Variants in SDK1 observed in about 807,000 individuals in gnomAD.
The protein encoded by SDK1 is protein sidekick-1.
SDK1 carries 157 observed loss-of-function variants against 245.5 expected under a neutral mutation model. The observed-to-expected ratio is 0.64, with a 90% confidence interval of 0.56 to 0.73. SDK1 has a LOEUF of 0.73. Among genes scored for constraint, SDK1 ranks in the 30% least tolerant of loss-of-function variants. The pLI is 0.00. For missense variants in SDK1, 3,583 were observed against 3,002.3 expected (o/e 1.19, Z -4.52); for synonymous variants, 1,647 against 1,278.5 (o/e 1.29, Z -6.15).
At chr7:3,718,977 C>A (rs955651758) in intron 4 of SDK1, among the ~76,000 whole-genome samples, 1 of 152,120 alleles carries the variant, frequency 6.6e-6, no homozygotes, top group African/African-American at 2.4e-5. Flanking sequence ...TATATAATAA[C>A]GCGTGGAAAC....
rs147471488 is a variant in SDK1 at position 3,481,994 on chromosome 7, AAATAT to A, written c.299-137081_299-137077del. Among the ~76,000 whole-genome samples, 1,084 of 152,100 alleles carry A rather than the reference AAATAT, an allele frequency of 7.1e-3. 12 individuals carry two copies. Among genetic ancestry groups the A allele is most frequent in the African/African-American group, 0.025 (1,041 of 41,446 alleles). ...CACATCAAAAAGCAAAGCTTGAAAA[AAATAT>A]AATAAGGGATTAATAATCAAAACAT... On this transcript the variant is annotated intron_variant, in intron 1 of 44. Coordinates refer to ENST00000404826, the MANE Select transcript of SDK1 (RefSeq NM_152744.4).
intron 1 of SDK1, among the ~76,000 whole-genome samples, chr7:3,567,994 G>GT (rs1031992781): frequency 1.4e-4 from 22 of 151,836 alleles, no homozygotes; most frequent in Non-Finnish European, 2.4e-4. Context: ...TTTTTTGATT[G>GT]TTTTTTTGCA....
rs551677939 is a variant in SDK1, at chr7:3,638,602, G to A, written c.459-402G>A. Among the ~76,000 whole-genome samples the A allele has an allele frequency of 3.6e-5, 5 of 139,670 alleles. No homozygotes were observed. In the South Asian group the frequency reaches 1.2e-3, roughly 34 times the overall value. The allele number at this position is 139,670 out of a possible 152,430, so 91.6% of individuals were successfully genotyped here. ...TGAACAGTGAGAAAACATGGACACA[G>A]GAAGGGAAACATCACACACCGGGGC... On this transcript the variant is annotated intron_variant, in intron 2 of 44. Coordinates refer to ENST00000404826, the MANE Select transcript of SDK1 (RefSeq NM_152744.4).
intron 1 of SDK1, among the ~76,000 whole-genome samples, chr7:3,380,939 G>A (rs937686989): frequency 4.6e-5 from 7 of 152,164 alleles, no homozygotes; most frequent in Non-Finnish European, 8.8e-5. Context: ...GAGAAATCAA[G>A]CTTTTGTGGT....
At chr7:3,829,610 A>G (rs752136927) in intron 5 of SDK1, among the ~76,000 whole-genome samples, 3 of 152,154 alleles carry the variant, frequency 2.0e-5, no homozygotes, top group Admixed American at 6.5e-5. Flanking sequence ...AACAACATAT[A>G]CCATGGAGGC....
At chr7:3,816,344 G>A (rs1487769830) in intron 4 of SDK1, among the ~76,000 whole-genome samples, 12 of 149,508 alleles carry the variant, frequency 8.0e-5, no homozygotes, top group Middle Eastern at 3.5e-3. Context: ...TTGATAGACC[G>A]CTAGCAAGAC....
In SDK1 at chr7:4,237,763, A is replaced by G; in HGVS notation, c.6109A>G (p.Lys2037Glu). 1 of 1,614,134 alleles carries G rather than the reference A, an allele frequency of 6.2e-7. No homozygotes were observed. The highest frequency in any genetic ancestry group is 8.5e-7 in the Non-Finnish European group (1 of 1,180,036). The change falls in exon 42 of 45, where the codon AAG (lysine) becomes GAG (glutamate). Residue 2037 changes from lysine (K) to glutamate (E), a missense_variant. Lys to Glu is a moderately conservative substitution (Grantham distance 56). Transcript: ENST00000404826. ...CCTCGTCCTGCACGGGCAGAATAAG[A>G]AGTATAAGAACTGCAGCACAGGTGC... ...FALVLHGQNK[K>E]YKNCSTGKGI...
At chr7:3,817,263 A>G (rs371070970) in intron 4 of SDK1, among the ~76,000 whole-genome samples, 3 of 152,216 alleles carry the variant, frequency 2.0e-5, no homozygotes, top group Non-Finnish European at 2.9e-5. Context: ...CCTTGGGTCC[A>G]TAGATACTCT....
intron 1 of SDK1, among the ~76,000 whole-genome samples, chr7:3,444,136 G>A (rs1206729558): frequency 6.6e-6 from 1 of 152,124 alleles, no homozygotes; most frequent in Non-Finnish European, 1.5e-5. Flanking sequence ...CCTGGAAAGG[G>A]CGGGTTTAAT....
At chr7:3,582,408 C>T (rs1008960508) in intron 1 of SDK1, among the ~76,000 whole-genome samples, 1 of 139,300 alleles carries the variant, frequency 7.2e-6, no homozygotes, top group Non-Finnish European at 1.6e-5. Flanking sequence ...AGGTAGGTCT[C>T]CCTCAGGTAG....
At chr7:3,827,200 A>G (rs1256229073) in intron 5 of SDK1, among the ~76,000 whole-genome samples, 1 of 152,220 alleles carries the variant, frequency 6.6e-6, no homozygotes, top group Non-Finnish European at 1.5e-5. Context: ...CCGGTTTCCC[A>G]AAGCAGCAGT....
intron 28 of SDK1, among the ~76,000 whole-genome samples, chr7:4,141,534 A>C (rs2128205096): frequency 6.6e-6 from 1 of 152,342 alleles, no homozygotes; most frequent in Middle Eastern, 3.4e-3. Flanking sequence ...ATAGTCACTG[A>C]AAGGCAATTT....
intron 28 of SDK1, among the ~76,000 whole-genome samples, chr7:4,143,436 C>T (rs746180227): frequency 2.6e-5 from 4 of 152,190 alleles, no homozygotes; most frequent in Admixed American, 6.5e-5. Flanking sequence ...TCATTACCAC[C>T]GTGAGCCCCC....
intron 5 of SDK1, among the ~76,000 whole-genome samples, chr7:3,932,869 A>T (rs1487177461): frequency 6.6e-6 from 1 of 151,940 alleles, no homozygotes; most frequent in African/African-American, 2.4e-5. Context: ...GCCAACACCC[A>T]CCTCTGTCTC....
At chr7:3,812,235 G>A (rs538264936) in intron 4 of SDK1, among the ~76,000 whole-genome samples, 1 of 111,864 alleles carries the variant, frequency 8.9e-6, no homozygotes, top group African/African-American at 3.4e-5. Context: ...AATAGTCAGA[G>A]TAAAAATGCA....
chr7:3,925,253 G>A (rs370737054), intron 5 of SDK1, among the ~76,000 whole-genome samples: 100 of 152,254 alleles, frequency 6.6e-4, no homozygotes, highest in African/African-American at 2.3e-3. Context: ...ACATCTTCCA[G>A]GAAGAACCTT....
intron 1 of SDK1, among the ~76,000 whole-genome samples, chr7:3,397,614 C>A (rs956615744): frequency 6.6e-6 from 1 of 151,662 alleles, no homozygotes; most frequent in African/African-American, 2.4e-5. Context: ...TTTACAGATT[C>A]TGTCTTTGAA....
intron 22 of SDK1, among the ~76,000 whole-genome samples, chr7:4,096,178 A>G (rs1782139943): frequency 1.3e-5 from 2 of 152,198 alleles, no homozygotes; most frequent in South Asian, 4.1e-4. Context: ...GAAATCCCAG[A>G]GTCTCCTGGA....
chr7:4,034,467 C>G (rs1184761758), intron 17 of SDK1, among the ~76,000 whole-genome samples: 2 of 152,160 alleles, frequency 1.3e-5, no homozygotes, highest in African/African-American at 4.8e-5. Context: ...GCAGCTCACT[C>G]TCAAACAGTT....
Sources: allele counts gnomAD v4.1 joint callset (sites outside exome capture counted in the v4.1 genomes callset), GRCh38; gene constraint gnomAD v4.1.1; transcripts MANE v1.5; gene names NCBI Gene and HGNC (gene_info 2026-07-23, HGNC 2026-07-21).